Variants in PRICKLE2 observed in about 807,000 individuals in gnomAD.
PRICKLE2 encodes the protein prickle planar cell polarity protein 2.
PRICKLE2 carries 21 observed loss-of-function variants against 81.4 expected under a neutral mutation model. That is an observed-to-expected ratio of 0.26 (90% CI 0.18 to 0.37). PRICKLE2 has a LOEUF of 0.37. Ranked by LOEUF, PRICKLE2 falls within the 10% of genes least tolerant of loss-of-function variation. The pLI, the probability that PRICKLE2 is intolerant of heterozygous loss-of-function variation, is 1.00. For missense variants in PRICKLE2, 940 were observed against 1,109.0 expected (o/e 0.85, Z 2.16); for synonymous variants, 456 against 421.5 (o/e 1.08, Z -1.00).
At chr3:64,181,669 G>A (rs2078137479) in intron 2 of PRICKLE2, among the ~76,000 whole-genome samples, 1 of 152,120 alleles carries the variant, frequency 6.6e-6, no homozygotes, top group Non-Finnish European at 1.5e-5. Flanking sequence ...TTTGAAAATG[G>A]GAGTTTCAGA....
At chr3:64,238,912 C>T (rs2079220960) in intron 2 of PRICKLE2, among the ~76,000 whole-genome samples, 1 of 152,212 alleles carries the variant, frequency 6.6e-6, no homozygotes, top group African/African-American at 2.4e-5. Flanking sequence ...GAGTGGCCAT[C>T]AGCAGACACC....
intron 7 of PRICKLE2, among the ~76,000 whole-genome samples, chr3:64,117,822 G>A (rs574589157): frequency 1.3e-5 from 2 of 152,240 alleles, no homozygotes; most frequent in African/African-American, 4.8e-5. Flanking sequence ...AACTACCACT[G>A]AGATTCTTCA....
Position 64,225,302 on chromosome 3 carries a change from G to C in PRICKLE2, c.-433C>G. 1 of 985,462 alleles carries C rather than the reference G, an allele frequency of 1.0e-6. No individual in the cohort carries two copies. The highest frequency in any genetic ancestry group is 1.2e-6 in the Non-Finnish European group (1 of 829,998). The allele number at this position is 985,462 out of a possible 1,614,324, so 61.0% of individuals were successfully genotyped here. A position where few individuals can be genotyped will look rare whatever the true frequency, so the allele number is the denominator to read the frequency against. On this transcript the variant is annotated 5_prime_UTR_variant, in exon 1 of 8. Coordinates refer to ENST00000638394, the MANE Select transcript of PRICKLE2 (RefSeq NM_198859.4). ...TGACAATCTGAAGGAAGAAGTCATA[G>C]ACTCCAGCCCAGCGTCACCAGCTGA... is the stretch of plus-strand genomic sequence containing the variant.
chr3:64,262,506 G>A (rs2107190947), intron 2 of PRICKLE2, among the ~76,000 whole-genome samples: 1 of 152,152 alleles, frequency 6.6e-6, no homozygotes, highest in African/African-American at 2.4e-5. Flanking sequence ...CTGGAGATGT[G>A]ACTCCACTAG....
At chr3:64,133,770 G>T (rs1018690466) in intron 7 of PRICKLE2, among the ~76,000 whole-genome samples, 2 of 152,146 alleles carry the variant, frequency 1.3e-5, no homozygotes, top group Non-Finnish European at 2.9e-5. Context: ...AGGAGACAAG[G>T]CTCATCTTTC....
In PRICKLE2 at chr3:64,198,804, G is replaced by A; in HGVS notation, c.124C>T (p.Pro42Ser). 1 of 1,614,054 alleles carries A rather than the reference G, an allele frequency of 6.2e-7. No homozygotes were observed. The highest frequency in any genetic ancestry group is 8.5e-7 in the Non-Finnish European group (1 of 1,180,012). ...GGTACCTGTTCAGGCTTCAGACCCG[G>A]CGGGACCCAGGCATACTCTTCCAAA... ...CALEEYAWVP[P>S]GLKPEQVHQY... Residue 42 changes from proline to serine, a missense_variant, in exon 2 of 8, where the codon CCG (proline) becomes TCG (serine). By Grantham distance (74) the Pro-to-Ser change is moderately conservative. Around this residue, in one of 2 missense-constraint regions of PRICKLE2, gnomAD observed 270 missense variants for 391.8 expected, o/e 0.69. Transcript: ENST00000638394.
At position 64,225,253 on chromosome 3, in the gene PRICKLE2, T is replaced by C; in HGVS notation, c.-384A>G. 1.0e-6 allele frequency: 1 copy of C among 985,408 alleles called. No homozygotes were observed. The highest frequency in any genetic ancestry group is 1.7e-5 in the African/African-American group (1 of 57,316). The allele number at this position is 985,408 out of a possible 1,614,324, so 61.0% of individuals were successfully genotyped here. On this transcript the variant is annotated 5_prime_UTR_variant, in exon 1 of 8. Coordinates refer to ENST00000638394, the MANE Select transcript of PRICKLE2 (RefSeq NM_198859.4). ...AGATCGCCTTCCGGAGGACCCCCAG[T>C]TTCCTCTTAACTCCCCTTCTTCATG... is the stretch of plus-strand genomic sequence containing the variant.
chr3:64,217,240 C>T (rs2078886410), intron 1 of PRICKLE2, among the ~76,000 whole-genome samples: 1 of 151,576 alleles, frequency 6.6e-6, no homozygotes, highest in Admixed American at 6.6e-5. Context: ...GACAGGAGCC[C>T]TAAGGTATTA....
At chr3:64,235,417 A>G (rs1320179501) in intron 2 of PRICKLE2, among the ~76,000 whole-genome samples, 1 of 152,220 alleles carries the variant, frequency 6.6e-6, no homozygotes, top group Non-Finnish European at 1.5e-5. Context: ...CTTCCTGTAT[A>G]TAGGTCACAC....
chr3:64,248,280 G>GA (rs144610088), intron 2 of PRICKLE2, among the ~76,000 whole-genome samples: 181 of 152,228 alleles, frequency 1.2e-3, no homozygotes, highest in African/African-American at 4.2e-3. Flanking sequence ...TCATTTCAAG[G>GA]AAAGCATTTA....
chr3:64,165,183 C>A (rs1206749988), intron 2 of PRICKLE2, among the ~76,000 whole-genome samples: 1 of 152,180 alleles, frequency 6.6e-6, no homozygotes, highest in Non-Finnish European at 1.5e-5. Flanking sequence ...TCACATACCC[C>A]CTGTCCATTG....
intron 7 of PRICKLE2, among the ~76,000 whole-genome samples, chr3:64,110,507 CGTTACAG>C (rs1467302477): frequency 1.3e-5 from 2 of 152,084 alleles, no homozygotes; most frequent in Admixed American, 1.3e-4. Flanking sequence ...GCAAGGTGAC[CGTTACAG>C]ATAATAATCA....
chr3:64,150,139 A>G (rs1008812060), intron 6 of PRICKLE2, among the ~76,000 whole-genome samples: 3 of 151,990 alleles, frequency 2.0e-5, no homozygotes, highest in African/African-American at 7.2e-5. Flanking sequence ...CAGACATCAC[A>G]GGGACATGGG....
At position 64,198,770 on chromosome 3, in the gene PRICKLE2, AT is replaced by A. The variant is rs1322170917; in HGVS notation, c.144+13del. The stretch of plus-strand genomic sequence containing the variant: ...ACACCCAAACCACCAGCATGCTCCC[AT>A]CCAGAATGGTACCTGTTCAGGCTTC... On this transcript the variant is annotated intron_variant, in intron 2 of 7. Transcript: ENST00000638394. 5.0e-6 allele frequency: 8 copies of A among 1,613,716 alleles called. No individual in the cohort carries two copies. The highest frequency in any genetic ancestry group is 6.8e-6 in the Non-Finnish European group (8 of 1,179,836).
At chr3:64,133,215 A>G (rs2077223159) in intron 7 of PRICKLE2, among the ~76,000 whole-genome samples, 1 of 152,148 alleles carries the variant, frequency 6.6e-6, no homozygotes, top group Non-Finnish European at 1.5e-5. Flanking sequence ...AGGTAGTCCT[A>G]ACTCCTGAAT....
chr3:64,171,412 C>A (rs1260038376), intron 2 of PRICKLE2, among the ~76,000 whole-genome samples: 1 of 152,142 alleles, frequency 6.6e-6, no homozygotes, highest in Non-Finnish European at 1.5e-5. Context: ...ATGGGTCAGC[C>A]CCAACAGCAA....
rs1197861587 is a variant in PRICKLE2 at position 64,096,106 on chromosome 3, T to C, written c.*2945A>G. 1 of 152,136 alleles carries C rather than the reference T, an allele frequency of 6.6e-6. No individual in the cohort carries two copies. The highest frequency in any genetic ancestry group is 2.4e-5 in the African/African-American group (1 of 41,412). The allele number at this position is 152,136 out of a possible 1,614,324, so 9.4% of individuals were successfully genotyped here. A position where few individuals can be genotyped will look rare whatever the true frequency, so the allele number is the denominator to read the frequency against. On this transcript the variant is annotated 3_prime_UTR_variant, in exon 8 of 8. Coordinates refer to ENST00000638394, the MANE Select transcript of PRICKLE2 (RefSeq NM_198859.4). ...AATTGAGCAGCAATAGGAAATGAAC[T>C]CAACTCCGAAGTTGCAGTTCTAACC...
intron 7 of PRICKLE2, among the ~76,000 whole-genome samples, chr3:64,138,170 T>G (rs113946912): frequency 2.0e-5 from 3 of 152,338 alleles, no homozygotes; most frequent in Middle Eastern, 3.4e-3. Context: ...GCTTAATCCC[T>G]CTTCCTTTGA....
chr3:64,155,521 G>A lies in PRICKLE2; in HGVS notation c.600+1641C>T, dbSNP rs13072374. Among the ~76,000 whole-genome samples, 793 of 152,210 alleles carry A rather than the reference G, an allele frequency of 5.2e-3. 4 individuals carry two copies. The highest frequency in any genetic ancestry group is 8.8e-3 in the Non-Finnish European group (598 of 68,010). ...AAACTTAGAATTATCATATGACCCA[G>A]CAATTCCACTCCTGGGTATACACTC... is the stretch of plus-strand genomic sequence containing the variant. On this transcript the variant is annotated intron_variant, in intron 5 of 7. Transcript: ENST00000638394.
Sources: allele counts gnomAD v4.1 joint callset (sites outside exome capture counted in the v4.1 genomes callset), GRCh38; gene constraint gnomAD v4.1.1; regional missense constraint gnomAD v4.1.1; transcripts MANE v1.5; gene names NCBI Gene and HGNC (gene_info 2026-07-23, HGNC 2026-07-21).